Variants in CD99L2 observed in about 807,000 individuals in gnomAD.
CD99L2 encodes CD99 molecule like 2.
A neutral mutation model predicts 27.3 loss-of-function variants in CD99L2; 24 were observed. The ratio of observed to expected loss-of-function variants is 0.88; its 90% CI spans 0.64 to 1.24. The LOEUF (loss-of-function observed/expected upper bound fraction) is 1.24. Among genes scored for constraint, CD99L2 ranks in the 50% most tolerant of loss-of-function variants. The pLI, the probability that CD99L2 is intolerant of heterozygous loss-of-function variation, is 0.00. For missense variants in CD99L2, 255 were observed against 221.6 expected (o/e 1.15, Z -0.96); for synonymous variants, 97 against 87.9 (o/e 1.10, Z -0.58).
intron 9 of CD99L2, among the ~76,000 whole-genome samples, chrX:150,774,514 C>G (rs1038801980): frequency 4.5e-5 from 5 of 112,050 alleles, no homozygotes; most frequent in Non-Finnish European, 9.4e-5. Flanking sequence ...CCATCTCGTT[C>G]CAATCCACCT....
chrX:150,771,924 GGTCC>G, intron 9 of CD99L2: 1 of 956,360 alleles, frequency 1.0e-6, no homozygotes, highest in Non-Finnish European at 1.4e-6. Context: ...GGAAGCCAAG[GGTCC>G]CCAGCATGGG....
intron 1 of CD99L2, among the ~76,000 whole-genome samples, chrX:150,874,964 C>T (rs1306853510): frequency 8.9e-6 from 1 of 111,764 alleles, no homozygotes; most frequent in African/African-American, 3.3e-5. Flanking sequence ...AGCTCTGAAC[C>T]CAGGCCTTCC....
At chrX:150,812,162 G>T (rs1033702517) in intron 4 of CD99L2, among the ~76,000 whole-genome samples, 3 of 111,012 alleles carry the variant, frequency 2.7e-5, no homozygotes, top group African/African-American at 9.8e-5. Flanking sequence ...CCCTGTCTTG[G>T]ACACACACAA....
intron 1 of CD99L2, among the ~76,000 whole-genome samples, chrX:150,838,056 T>C (rs1011343488): frequency 8.9e-6 from 1 of 112,674 alleles, no homozygotes; most frequent in Non-Finnish European, 1.9e-5. Context: ...TGATATAATG[T>C]GACAGGATGT....
At chrX:150,807,112 G>A (rs1411661752) in intron 4 of CD99L2, among the ~76,000 whole-genome samples, 2 of 110,690 alleles carry the variant, frequency 1.8e-5, no homozygotes, top group Admixed American at 9.6e-5. Flanking sequence ...CACCTTTCTT[G>A]GGGCCCTGAA....
chrX:150,821,538 C>T (rs908963092), intron 2 of CD99L2, among the ~76,000 whole-genome samples: 9 of 112,054 alleles, frequency 8.0e-5, no homozygotes, highest in Admixed American at 5.7e-4. Context: ...AATATATGAA[C>T]TAAAACCACT....
intron 1 of CD99L2, among the ~76,000 whole-genome samples, chrX:150,896,026 C>CA (rs372737729): frequency 0.081 from 3,087 of 37,931 alleles, 67 homozygotes; most frequent in Non-Finnish European, 0.098. Flanking sequence ...ACTCTGTTTC[C>CA]AAAAAAAAAA....
intron 2 of CD99L2, among the ~76,000 whole-genome samples, chrX:150,821,767 A>G (rs1348722855): frequency 8.9e-6 from 1 of 112,604 alleles, no homozygotes; most frequent in Non-Finnish European, 1.9e-5. Flanking sequence ...ATAAATGTAT[A>G]AAGAGATCAT....
chrX:150,820,475 T>C (rs191153383), intron 2 of CD99L2, among the ~76,000 whole-genome samples: 9 of 111,925 alleles, frequency 8.0e-5, no homozygotes, highest in African/African-American at 2.9e-4. Flanking sequence ...AGATGGTTTA[T>C]TTTGGCCTCA....
chrX:150,847,095 C>G (rs782557734), intron 1 of CD99L2, among the ~76,000 whole-genome samples: 27 of 112,135 alleles, frequency 2.4e-4, no homozygotes, highest in Non-Finnish European at 4.3e-4. Flanking sequence ...CCCTGTATCC[C>G]CAACCCAGAC....
At chrX:150,789,006 C>T (rs1037849857) in intron 7 of CD99L2, among the ~76,000 whole-genome samples, 7 of 111,630 alleles carry the variant, frequency 6.3e-5, no homozygotes, top group Admixed American at 9.5e-5. Context: ...TGAGAAATGA[C>T]GTTGAATATC....
intron 2 of CD99L2, among the ~76,000 whole-genome samples, chrX:150,827,207 C>T (rs1271167052): frequency 2.7e-5 from 3 of 111,147 alleles, no homozygotes; most frequent in African/African-American, 9.8e-5. Context: ...GAATGCACAA[C>T]GTGCAGAGAA....
chrX:150,779,064 C>T (rs1415541121), intron 7 of CD99L2, among the ~76,000 whole-genome samples: 1 of 111,742 alleles, frequency 8.9e-6, no homozygotes, highest in Non-Finnish European at 1.9e-5. Context: ...ATTCTTTCAC[C>T]TCAAGGCAGA....
At chrX:150,886,504 T>C (rs2047411332) in intron 1 of CD99L2, among the ~76,000 whole-genome samples, 1 of 112,776 alleles carries the variant, frequency 8.9e-6, no homozygotes, top group Non-Finnish European at 1.9e-5. Flanking sequence ...TGTAGTAGGC[T>C]ATACCATCTA....
chrX:150,791,577 G>C (rs1295050869), intron 7 of CD99L2, among the ~76,000 whole-genome samples: 2 of 111,787 alleles, frequency 1.8e-5, no homozygotes, highest in East Asian at 5.6e-4. Context: ...GGGAACCACA[G>C]TGGGAGTAGG....
intron 1 of CD99L2, among the ~76,000 whole-genome samples, chrX:150,887,997 G>A (rs940643108): frequency 9.6e-5 from 10 of 104,512 alleles, no homozygotes; most frequent in African/African-American, 3.7e-4. Flanking sequence ...ACCCAGAAAT[G>A]TGAGATTTGT....
intron 1 of CD99L2, among the ~76,000 whole-genome samples, chrX:150,849,071 T>A (rs2046749687): frequency 9.0e-6 from 1 of 111,446 alleles, no homozygotes; most frequent in Non-Finnish European, 1.9e-5. Flanking sequence ...ATGTGCGTCA[T>A]ACTGCCGGGA....
At chrX:150,824,444 AAAGAAG>A (rs199978279) in intron 2 of CD99L2, among the ~76,000 whole-genome samples, 2 of 89,184 alleles carry the variant, frequency 2.2e-5, no homozygotes, top group African/African-American at 7.9e-5. Flanking sequence ...AAGAAAGAAG[AAAGAAG>A]AAGAAGAAAG....
chrX:150,792,328 C>T (rs868989160), intron 7 of CD99L2, among the ~76,000 whole-genome samples: 3 of 112,275 alleles, frequency 2.7e-5, no homozygotes, highest in Middle Eastern at 4.6e-3. Flanking sequence ...TGTGCTTACA[C>T]GTGTGCCTAC....
Sources: gnomAD v4.1 joint callset for allele counts (sites outside exome capture counted in the v4.1 genomes callset) on GRCh38, gnomAD v4.1.1 for gene constraint, MANE v1.5 for transcripts, NCBI Gene and HGNC (gene_info 2026-07-23, HGNC 2026-07-21) for gene names.